The following KLF15 variants were observed in gnomAD, a reference collection of about 807,000 sequenced individuals.
The protein encoded by KLF15 is KLF transcription factor 15, also known as Krueppel-like factor 15.
In KLF15, 4 loss-of-function variants were observed where a neutral mutation model predicts 24.6. That is an observed-to-expected ratio of 0.16 (90% CI 0.08 to 0.37). The LOEUF (loss-of-function observed/expected upper bound fraction) is 0.37. Among genes scored for constraint, KLF15 ranks in the 10% least tolerant of loss-of-function variants. KLF15 has a pLI of 1.00. For synonymous variants in KLF15, 246 were observed against 236.3 expected (o/e 1.04, Z -0.37); for missense variants, 496 against 560.6 (o/e 0.88, Z 1.16).
In KLF15 at chr3:126,343,595, C is replaced by T. The variant is rs2082501606; in HGVS notation, c.*132G>A. 2 of 921,262 alleles carry T rather than the reference C, an allele frequency of 2.2e-6. No individual in the cohort carries two copies. Among genetic ancestry groups the T allele is most frequent in the South Asian group, 3.4e-5 (2 of 58,260 alleles). The allele number at this position is 921,262 out of a possible 1,614,324, so 57.1% of individuals were successfully genotyped here. On this transcript the variant is annotated 3_prime_UTR_variant, in exon 3 of 3. Coordinates refer to ENST00000296233, the MANE Select transcript of KLF15 (RefSeq NM_014079.4). ...GCGGTTGGCGGGCCCTGGGTTCACA[C>T]CTCCCAGGCTTCAGAAGGTGGGCTG...
At chr3:126,322,716 C>T in the KLF15 span, among the ~76,000 whole-genome samples, 7 of 152,190 alleles carry the variant, frequency 4.6e-5, no homozygotes, top group Non-Finnish European at 5.9e-5. Flanking sequence ...ACCTCTGTAT[C>T]TTATCCCATC....
chr3:126,356,734 C>T lies in KLF15; in HGVS notation c.-26+503G>A, dbSNP rs1164404600. Reference sequence around the variant, plus strand: ...AAACGTGCGTGGGAAATGAAGAGAGCCGGCTCAGACCCCTTCTAGAGTCCT... The same window carrying T: ...AAACGTGCGTGGGAAATGAAGAGAGTCGGCTCAGACCCCTTCTAGAGTCCT... On this transcript the variant is annotated intron_variant, in intron 1 of 2. Coordinates refer to ENST00000296233, the MANE Select transcript of KLF15 (RefSeq NM_014079.4). The surrounding 1 kb of genome is among the most constrained non-coding windows in gnomAD (Gnocchi z 4.4). Among the ~76,000 whole-genome samples the T allele has an allele frequency of 6.6e-6, 1 of 152,032 alleles. No individual in the cohort carries two copies.
Position 126,352,656 on chromosome 3 carries a change from G to A in KLF15, c.267C>T (p.Gly89=), listed in dbSNP as rs376071138. Residue 89 remains glycine (G), a synonymous_variant, in exon 2 of 3, where the codon GGC becomes GGT. Transcript: ENST00000296233. ...FLLSQATLGS[G]GGSGSSIGAS... is the part of the protein sequence containing the mutation. ...CCCCAATGCTACTGCCGCTGCCCCC[G>A]CCACTGCCCAGCGTGGCCTGGGACA... 435 of 1,598,816 alleles carry A rather than the reference G, an allele frequency of 2.7e-4. 5 individuals are homozygous for A. In the Admixed American group the frequency reaches 6.3e-3, roughly 23 times the overall value.
chr3:126,292,568 G>A, the KLF15 span, among the ~76,000 whole-genome samples: 3 of 152,206 alleles, frequency 2.0e-5, no homozygotes, highest in African/African-American at 7.2e-5. Flanking sequence ...TCACGGATGG[G>A]CATTAGAAGA....
At position 126,352,315 on chromosome 3, in the gene KLF15, C is replaced by T; in HGVS notation, c.608G>A (p.Gly203Asp). The T allele has an allele frequency of 6.4e-7, 1 of 1,564,174 alleles. No homozygotes were observed. The highest frequency in any genetic ancestry group is 1.2e-5 in the South Asian group (1 of 81,090). The change falls in exon 2 of 3, where the codon GGT (glycine) becomes GAT (aspartate). Residue 203 changes from glycine (G) to aspartate (D), a missense_variant. Around this residue, in one of 3 missense-constraint regions of KLF15, gnomAD observed 399 missense variants for 423.1 expected, o/e 0.94. Transcript: ENST00000296233. ...SPPPGGASAG[G>D]AQGPGGGPTP... Reference sequence around the variant, plus strand: ...GGGGCCCCCACCTGGGCCCTGGGCACCTCCTGCACTGGCACCACCTGGTGG... The same window carrying T: ...GGGGCCCCCACCTGGGCCCTGGGCATCTCCTGCACTGGCACCACCTGGTGG...
At chr3:126,345,494 T>C (rs1272988232) in intron 2 of KLF15, among the ~76,000 whole-genome samples, 1 of 150,850 alleles carries the variant, frequency 6.6e-6, no homozygotes, top group East Asian at 1.9e-4. Flanking sequence ...CACGGACAAA[T>C]ACATGCCCAC....
chr3:126,336,007 A>G, the KLF15 span, among the ~76,000 whole-genome samples: 2 of 143,348 alleles, frequency 1.4e-5, no homozygotes, highest in Non-Finnish European at 1.5e-5. Flanking sequence ...GCCCAAGGTA[A>G]TTTACAGATT....
chr3:126,302,891 A>T, the KLF15 span, among the ~76,000 whole-genome samples: 2 of 152,006 alleles, frequency 1.3e-5, no homozygotes, highest in East Asian at 3.9e-4. Context: ...GACCATTTGC[A>T]TTGAATGTAT....
At chr3:126,304,669 C>A in the KLF15 span, among the ~76,000 whole-genome samples, 1 of 152,220 alleles carries the variant, frequency 6.6e-6, no homozygotes, top group African/African-American at 2.4e-5. Context: ...CACAGCTTGA[C>A]ATCTAAAGTT....
At chr3:126,301,675 C>A in the KLF15 span, among the ~76,000 whole-genome samples, 3 of 145,658 alleles carry the variant, frequency 2.1e-5, no homozygotes, top group African/African-American at 5.1e-5. Context: ...AGTGCAATGG[C>A]GCCTTCTCAG....
At chr3:126,357,198 C>T (rs1279733761) in intron 1 of KLF15, 39 bp downstream of exon 1, 1 of 150,086 alleles carries the variant, frequency 6.7e-6, no homozygotes, top group Non-Finnish European at 1.5e-5. Flanking sequence ...CCCGGGGCCG[C>T]GTCCACGCGG....
the KLF15 span, among the ~76,000 whole-genome samples, chr3:126,329,946 G>C: frequency 2.6e-5 from 4 of 151,030 alleles, no homozygotes; most frequent in African/African-American, 9.8e-5. Flanking sequence ...GATTTTGATT[G>C]TGTTAGTGCC....
chr3:126,356,515 G>A lies in KLF15; in HGVS notation c.-26+722C>T, dbSNP rs1162492817. 6.6e-6 allele frequency among the ~76,000 whole-genome samples: 1 copy of A among 152,122 alleles called. No homozygotes were observed. Among genetic ancestry groups the A allele is most frequent in the Non-Finnish European group, 1.5e-5 (1 of 68,020 alleles). ...TCGGTCAGGCCATGGCTTTGGTAAT[G>A]TTCGGTCTGAGCGGACGGGGACTCA... is the stretch of plus-strand genomic sequence containing the variant. On this transcript the variant is annotated intron_variant, in intron 1 of 2. Coordinates refer to ENST00000296233, the MANE Select transcript of KLF15 (RefSeq NM_014079.4). This position sits in a 1 kb window ranked among gnomAD's most constrained non-coding sequence, Gnocchi z 4.4.
At chr3:126,338,717 G>A (rs1415551754), downstream of KLF15, among the ~76,000 whole-genome samples, 2 of 152,162 alleles carry the variant, frequency 1.3e-5, no homozygotes, top group African/African-American at 4.8e-5. Flanking sequence ...TGATTTAGAC[G>A]TATTTCTGCA....
At chr3:126,331,369 T>G in the KLF15 span, among the ~76,000 whole-genome samples, 105 of 152,236 alleles carry the variant, frequency 6.9e-4, no homozygotes, top group African/African-American at 2.5e-3. Flanking sequence ...TCAGATTGGG[T>G]TTATCTGGTT....
the KLF15 span, chr3:126,291,377 C>T: frequency 6.6e-6 from 1 of 152,226 alleles, no homozygotes; most frequent in East Asian, 1.9e-4. Flanking sequence ...TGAGAAGCAT[C>T]CAGAACAATG....
the KLF15 span, among the ~76,000 whole-genome samples, chr3:126,301,905 G>C: frequency 6.6e-6 from 1 of 151,722 alleles, no homozygotes; most frequent in South Asian, 2.1e-4. Context: ...GTGAGCCACC[G>C]TGCCCAGACC....
At chr3:126,327,802 T>C in the KLF15 span, among the ~76,000 whole-genome samples, 1 of 152,220 alleles carries the variant, frequency 6.6e-6, no homozygotes, top group Non-Finnish European at 1.5e-5. Flanking sequence ...ATTTATCTAC[T>C]CGATTCTTCA....
At chr3:126,310,099 G>C in the KLF15 span, among the ~76,000 whole-genome samples, 1 of 152,226 alleles carries the variant, frequency 6.6e-6, no homozygotes, top group East Asian at 1.9e-4. Context: ...AGGCAGAGGG[G>C]CAAGCCTGAC....
Sources: allele counts gnomAD v4.1 joint callset (sites outside exome capture counted in the v4.1 genomes callset), GRCh38; gene constraint gnomAD v4.1.1; regional missense constraint gnomAD v4.1.1; non-coding constraint Gnocchi (gnomAD v3.1); transcripts MANE v1.5; gene names NCBI Gene and HGNC (gene_info 2026-07-23, HGNC 2026-07-21).